ZNF524: variants seen among roughly 807,000 people sequenced by gnomAD.
ZNF524 encodes the protein zinc finger protein 524.
For synonymous variants in ZNF524, 194 were observed against 166.3 expected (o/e 1.17, Z -1.28); for missense variants, 388 against 380.1 (o/e 1.02, Z -0.17).
chr19:55,602,769 C>G lies in ZNF524; in HGVS notation c.657C>G (p.Arg219=). The G allele has an allele frequency of 6.2e-7, 1 of 1,610,432 alleles. No individual in the cohort carries two copies. The highest frequency in any genetic ancestry group is 8.5e-7 in the Non-Finnish European group (1 of 1,179,862). The change falls in exon 2 of 2, where the codon CGC becomes CGG. Residue 219 remains arginine, a synonymous_variant. Coordinates refer to ENST00000301073, the MANE Select transcript of ZNF524 (RefSeq NM_153219.4). ...ACACGCTCCGGCGCCATGCGAAGCGCAAGCACCCGGAGGCCATGGGGGTAC... is the reference window on the plus strand; with the variant it reads ...ACACGCTCCGGCGCCATGCGAAGCGGAAGCACCCGGAGGCCATGGGGGTAC... ...EANTLRRHAK[R]KHPEAMGVPL... is the part of the protein sequence containing the mutation.
At chr19:55,600,651 G>C (rs939270141) in intron 1 of ZNF524, 1 of 152,196 alleles carries the variant, frequency 6.6e-6, no homozygotes, top group Non-Finnish European at 1.5e-5. Flanking sequence ...CGCAGCTCGG[G>C]GGCCGATGGG....
intron 1 of ZNF524, 83 bp downstream of exon 1, chr19:55,600,491 C>G (rs1980610207): frequency 6.6e-6 from 1 of 150,516 alleles, no homozygotes; most frequent in Admixed American, 6.6e-5. Context: ...GAGCGCGCCT[C>G]CAACACCTGT....
rs765748943 is a variant in ZNF524 at position 55,602,702 on chromosome 19, C to T, written c.590C>T (p.Pro197Leu). 9 of 1,602,382 alleles carry T rather than the reference C, an allele frequency of 5.6e-6. No individual in the cohort carries two copies. The highest frequency in any genetic ancestry group is 7.6e-6 in the Non-Finnish European group (9 of 1,179,332). The part of the protein sequence containing the change: ...HHHRVHSGER[P>L]YQCPICRLRF... ...CACCGCGTGCACTCGGGGGAGCGCC[C>T]GTACCAGTGCCCCATCTGCCGGCTG... The change falls in exon 2 of 2, where the codon CCG (proline) becomes CTG (leucine). Residue 197 changes from proline (P) to leucine (L), a missense_variant. Coordinates refer to ENST00000301073, the MANE Select transcript of ZNF524 (RefSeq NM_153219.4).
chr19:55,601,942 A>G, intron 1 of ZNF524, 133 bp from the exon 2 acceptor site: 1 of 545,064 alleles, frequency 1.8e-6, no homozygotes, highest in East Asian at 3.2e-5. Context: ...CAGCATAGCT[A>G]AAATTGTGTA....
chr19:55,602,711 G>A lies in ZNF524; in HGVS notation c.599G>A (p.Cys200Tyr). Reference sequence around the variant, plus strand: ...CACTCGGGGGAGCGCCCGTACCAGTGCCCCATCTGCCGGCTGCGCTTTACA... The same window carrying A: ...CACTCGGGGGAGCGCCCGTACCAGTACCCCATCTGCCGGCTGCGCTTTACA... ...RVHSGERPYQ[C>Y]PICRLRFTEA... Residue 200 changes from cysteine to tyrosine, a missense_variant, in exon 2 of 2, where the codon TGC becomes TAC. Physicochemically the swap from Cys to Tyr is radical, Grantham distance 194. Transcript: ENST00000301073. 6.2e-7 allele frequency: 1 copy of A among 1,603,874 alleles called. No homozygotes were observed. The highest frequency in any genetic ancestry group is 8.5e-7 in the Non-Finnish European group (1 of 1,179,626).
chr19:55,602,321 A>C lies in ZNF524; in HGVS notation c.209A>C (p.Gln70Pro). 6.3e-7 allele frequency: 1 copy of C among 1,577,530 alleles called. No homozygotes were observed. Among genetic ancestry groups the C allele is most frequent in the South Asian group, 1.2e-5 (1 of 86,908 alleles). ...SGQEPPLVQV[Q>P]GVTAPVGSSG... is the part of the protein sequence containing the mutation. ...CAGGAGCCCCCACTGGTGCAGGTGC[A>C]GGGGGTGACAGCCCCAGTAGGCAGC... Residue 70 changes from glutamine (Q) to proline (P), a missense_variant, in exon 2 of 2, where the codon CAG (glutamine) becomes CCG (proline). Transcript: ENST00000301073.
chr19:55,601,814 G>T (rs1021913053), intron 1 of ZNF524: 14 of 281,458 alleles, frequency 5.0e-5, no homozygotes, highest in Admixed American at 1.5e-4. Context: ...TGTTGCTCAT[G>T]TTGATCTTGA....
At position 55,602,272 on chromosome 19, in the gene ZNF524, C is replaced by A. The variant is rs765952555; in HGVS notation, c.160C>A (p.Arg54=). ...RTLKASLPRK[R]GRPPKSGQEP... Reference sequence around the variant, plus strand: ...ACTCAAGGCCTCCCTCCCTCGCAAGCGGGGCCGCCCCCCCAAGTCAGGGCA... The same window carrying A: ...ACTCAAGGCCTCCCTCCCTCGCAAGAGGGGCCGCCCCCCCAAGTCAGGGCA... Residue 54 remains arginine (R), a synonymous_variant, in exon 2 of 2, where the codon CGG becomes AGG. Transcript: ENST00000301073. 2 of 1,595,392 alleles carry A rather than the reference C, an allele frequency of 1.3e-6. No homozygotes were observed. Among genetic ancestry groups the A allele is most frequent in the Admixed American group, 1.7e-5 (1 of 57,682 alleles).
In ZNF524 at chr19:55,603,008, GTCTTC is replaced by G; in HGVS notation, c.*102_*106del. ...GGCCGGGACACCCTTGTTTCCGGTGGTCTTCCCGTTGTGGGAGCAGGTGGAGGGTG... is the reference window on the plus strand; with the variant it reads ...GGCCGGGACACCCTTGTTTCCGGTGGCCGTTGTGGGAGCAGGTGGAGGGTG... On this transcript the variant is annotated 3_prime_UTR_variant, in exon 2 of 2. Transcript: ENST00000301073. 1 of 1,381,952 alleles carries G rather than the reference GTCTTC, an allele frequency of 7.2e-7. No individual in the cohort carries two copies. Among genetic ancestry groups the G allele is most frequent in the East Asian group, 2.5e-5 (1 of 39,534 alleles). 85.6% of individuals were successfully genotyped at this position (1,381,952 alleles called of 1,614,324 possible). A position where few individuals can be genotyped will look rare whatever the true frequency, so the allele number is the denominator to read the frequency against.
Position 55,602,294 on chromosome 19 carries a change from G to A in ZNF524, c.182G>A (p.Gly61Glu), listed in dbSNP as rs1383135345. Residue 61 changes from glycine (G) to glutamate (E), a missense_variant, in exon 2 of 2, where the codon GGG becomes GAG. Coordinates refer to ENST00000301073, the MANE Select transcript of ZNF524 (RefSeq NM_153219.4). ...AAGCGGGGCCGCCCCCCCAAGTCAG[G>A]GCAGGAGCCCCCACTGGTGCAGGTG... Reference protein sequence around the residue: ...PRKRGRPPKSGQEPPLVQVQG... With the variant: ...PRKRGRPPKSEQEPPLVQVQG... 6.3e-7 allele frequency: 1 copy of A among 1,585,072 alleles called. No homozygotes were observed. Among genetic ancestry groups the A allele is most frequent in the Admixed American group, 1.8e-5 (1 of 56,068 alleles).
Position 55,602,889 on chromosome 19 carries a change from G to A in ZNF524, c.777G>A (p.Gly259=). The A allele has an allele frequency of 3.2e-6, 5 of 1,582,352 alleles. No homozygotes were observed. Among genetic ancestry groups the A allele is most frequent in the Non-Finnish European group, 4.3e-6 (5 of 1,164,742 alleles). ...CCGAGGAGGAGGAGGAGACAGAGGG[G>A]AAAGGGGAGCCGGCCTGACCCACAC... ...AGAEEEEETE[G]KGEPA is the part of the protein sequence containing the mutation. Residue 259 remains glycine (G), a synonymous_variant, in exon 2 of 2, where the codon GGG becomes GGA. Coordinates refer to ENST00000301073, the MANE Select transcript of ZNF524 (RefSeq NM_153219.4).
chr19:55,602,482 C>G lies in ZNF524; in HGVS notation c.370C>G (p.Pro124Ala), dbSNP rs117202532. The G allele has an allele frequency of 6.8e-5, 109 of 1,598,054 alleles. No homozygotes were observed. In the Admixed American group the frequency reaches 1.0e-3, roughly 15 times the overall value. The change falls in exon 2 of 2, where the codon CCC (proline) becomes GCC (alanine). Residue 124 changes from proline to alanine, a missense_variant. Physicochemically the swap from Pro to Ala is conservative, Grantham distance 27. Coordinates refer to ENST00000301073, the MANE Select transcript of ZNF524 (RefSeq NM_153219.4). Reference sequence around the variant, plus strand: ...CTGCCCGGTGTGCCTGCGGGCCTTCCCCTACCTCTCCGACCTGGAGCGCCA... The same window carrying G: ...CTGCCCGGTGTGCCTGCGGGCCTTCGCCTACCTCTCCGACCTGGAGCGCCA... The part of the protein sequence containing the change: ...HFCPVCLRAF[P>A]YLSDLERHSI...
intron 1 of ZNF524, 166 bp from the exon 2 acceptor site, chr19:55,601,909 G>A: frequency 4.5e-6 from 2 of 444,746 alleles, no homozygotes; most frequent in Non-Finnish European, 7.8e-6. Context: ...GCTGATACAA[G>A]ATCATCTCAC....
chr19:55,602,216 G>C lies in ZNF524; in HGVS notation c.104G>C (p.Arg35Pro), dbSNP rs778834431. 6.2e-7 allele frequency: 1 copy of C among 1,612,624 alleles called. No individual in the cohort carries two copies. Among genetic ancestry groups the C allele is most frequent in the African/African-American group, 1.3e-5 (1 of 75,020 alleles). ...GTTCCCCGGGGCCGCCGAGGCCGTC[G>C]TCCTGGGGGAGCCACCTCCTCAAAT... ...PPVPRGRRGRRPGGATSSNRT... is the reference protein window; with the variant it reads ...PPVPRGRRGRPPGGATSSNRT... Residue 35 changes from arginine (R) to proline (P), a missense_variant, in exon 2 of 2, where the codon CGT becomes CCT. Transcript: ENST00000301073.
rs778565506 is a variant in ZNF524 at position 55,603,106 on chromosome 19, AG to A, written c.*203del. 6.6e-5 allele frequency: 42 copies of A among 638,496 alleles called. No individual in the cohort carries two copies. Among genetic ancestry groups the A allele is most frequent in the Non-Finnish European group, 1.1e-4 (42 of 368,140 alleles). The allele number at this position is 638,496 out of a possible 1,614,324, so 39.6% of individuals were successfully genotyped here. A position where few individuals can be genotyped will look rare whatever the true frequency, so the allele number is the denominator to read the frequency against. The stretch of plus-strand genomic sequence containing the variant: ...CCCAGACTAACAGACCCTTGGAGGC[AG>A]GGGCTGTGGAAATAAATCTCTGCCT... On this transcript the variant is annotated 3_prime_UTR_variant, in exon 2 of 2. Coordinates refer to ENST00000301073, the MANE Select transcript of ZNF524 (RefSeq NM_153219.4).
rs1457055556 is a variant in ZNF524, at chr19:55,602,398, G to A, written c.286G>A (p.Val96Ile). 6 of 1,581,438 alleles carry A rather than the reference G, an allele frequency of 3.8e-6. No individual in the cohort carries two copies. The Admixed American group carries it at 9.0e-5, about 24-fold the overall frequency. Residue 96 changes from valine (V) to isoleucine (I), a missense_variant, in exon 2 of 2, where the codon GTC becomes ATC. Coordinates refer to ENST00000301073, the MANE Select transcript of ZNF524 (RefSeq NM_153219.4). ...CGATGATCAGGGTGTGCCCTATACG[G>A]TCTCTGAAGGTTCAGCGGCTGGGCC... Reference protein sequence around the residue: ...LIDDQGVPYTVSEGSAAGPEG... With the variant: ...LIDDQGVPYTISEGSAAGPEG...
intron 1 of ZNF524, 96 bp downstream of exon 1, chr19:55,600,504 C>T (rs1980611591): frequency 1.3e-5 from 2 of 150,746 alleles, no homozygotes; most frequent in Admixed American, 6.6e-5. Context: ...ACACCTGTTC[C>T]TGCTCCCGCG....
intron 1 of ZNF524, 156 bp from the exon 2 acceptor site, chr19:55,601,918 AC>A (rs1203498417): frequency 1.5e-5 from 7 of 457,494 alleles, no homozygotes; most frequent in Non-Finnish European, 2.7e-5. Flanking sequence ...AGATCATCTC[AC>A]TGTTTTACCC....
Position 55,602,284 on chromosome 19 carries a change from C to A in ZNF524, c.172C>A (p.Pro58Thr), listed in dbSNP as rs757022370. 3.1e-6 allele frequency: 5 copies of A among 1,590,070 alleles called. No homozygotes were observed. Among genetic ancestry groups the A allele is most frequent in the East Asian group, 2.3e-5 (1 of 43,584 alleles). Residue 58 changes from proline to threonine, a missense_variant, in exon 2 of 2, where the codon CCC becomes ACC. Pro to Thr is a conservative substitution (Grantham distance 38, BLOSUM62 -1). Transcript: ENST00000301073. ...CCTCCCTCGCAAGCGGGGCCGCCCCCCCAAGTCAGGGCAGGAGCCCCCACT... is the reference window on the plus strand; with the variant it reads ...CCTCCCTCGCAAGCGGGGCCGCCCCACCAAGTCAGGGCAGGAGCCCCCACT... ...ASLPRKRGRP[P>T]KSGQEPPLVQ...
Sources: allele counts gnomAD v4.1 joint callset, GRCh38; gene constraint gnomAD v4.1.1; transcripts MANE v1.5; gene names NCBI Gene and HGNC (gene_info 2026-07-23, HGNC 2026-07-21).